MARCHF5: variants seen among roughly 807,000 people sequenced by gnomAD.
The protein encoded by MARCHF5 is membrane associated ring-CH-type finger 5, also known as E3 ubiquitin-protein ligase MARCHF5.
MARCHF5 carries 5 observed loss-of-function variants against 36.5 expected under a neutral mutation model. The ratio of observed to expected loss-of-function variants is 0.14; its 90% CI spans 0.07 to 0.29. The LOEUF (loss-of-function observed/expected upper bound fraction) is 0.29, where lower values mean the gene tolerates loss of function less well. Ranked by LOEUF, MARCHF5 falls within the 10% of genes least tolerant of loss-of-function variation. MARCHF5 has a pLI of 1.00. For synonymous variants in MARCHF5, 103 were observed against 109.9 expected (o/e 0.94, Z 0.39); for missense variants, 179 against 336.3 (o/e 0.53, Z 3.66).
intron 1 of MARCHF5, among the ~76,000 whole-genome samples, chr10:92,294,088 C>A (rs565968588): frequency 6.6e-6 from 1 of 152,134 alleles, no homozygotes; most frequent in Admixed American, 6.6e-5. Context: ...AGAGCCTGGG[C>A]ATCTATATTT....
At position 92,314,741 on chromosome 10, in the gene MARCHF5, TCCCCCCGC is replaced by T. The variant is rs1012664736; in HGVS notation, c.238+3411_238+3418del. Among the ~76,000 whole-genome samples the T allele has an allele frequency of 7.5e-4, 8 of 10,648 alleles. 1 individual carries two copies. Among genetic ancestry groups the T allele is most frequent in the Non-Finnish European group, 1.1e-3 (3 of 2,634 alleles). 7.0% of individuals were successfully genotyped at this position (10,648 alleles called of 152,430 possible). A position where few individuals can be genotyped will look rare whatever the true frequency, so the allele number is the denominator to read the frequency against. ...AAACAGAGTATTTGCTGCTGCTGCTTCCCCCCGCCCCCCCCCGCCAATAGAGGTTGGGT... is the reference window on the plus strand; with the variant it reads ...AAACAGAGTATTTGCTGCTGCTGCTTCCCCCCCCGCCAATAGAGGTTGGGT... On this transcript the variant is annotated intron_variant, in intron 2 of 5. Coordinates refer to ENST00000358935, the MANE Select transcript of MARCHF5 (RefSeq NM_017824.5).
intron 3 of MARCHF5, among the ~76,000 whole-genome samples, chr10:92,345,489 T>C (rs1168752307): frequency 6.6e-6 from 1 of 152,086 alleles, no homozygotes; most frequent in Non-Finnish European, 1.5e-5. Flanking sequence ...AGAGCAAGAC[T>C]CTGTCTCTAA....
At chr10:92,294,294 C>T (rs1250625110) in intron 1 of MARCHF5, among the ~76,000 whole-genome samples, 1 of 152,150 alleles carries the variant, frequency 6.6e-6, no homozygotes, top group Non-Finnish European at 1.5e-5. Context: ...TGTATATTAT[C>T]ATTTATAAAA....
intron 2 of MARCHF5, among the ~76,000 whole-genome samples, chr10:92,321,111 T>C (rs1264045821): frequency 6.6e-6 from 1 of 152,102 alleles, no homozygotes; most frequent in Admixed American, 6.5e-5. Context: ...GGCTATACCA[T>C]ATAGCCTAGG....
intron 2 of MARCHF5, among the ~76,000 whole-genome samples, chr10:92,314,294 T>C (rs950293701): frequency 6.6e-6 from 1 of 152,192 alleles, no homozygotes; most frequent in African/African-American, 2.4e-5. Flanking sequence ...GGTATGGCAC[T>C]TGAGTTAGCC....
chr10:92,321,004 G>C (rs1028792166), intron 2 of MARCHF5, among the ~76,000 whole-genome samples: 2 of 151,816 alleles, frequency 1.3e-5, no homozygotes, highest in African/African-American at 4.9e-5. Context: ...TATTTTTACT[G>C]TACCTTTCCT....
At chr10:92,329,032 G>T (rs893805008) in intron 2 of MARCHF5, among the ~76,000 whole-genome samples, 2 of 151,834 alleles carry the variant, frequency 1.3e-5, no homozygotes, top group African/African-American at 4.8e-5. Flanking sequence ...TTGCCTCTAG[G>T]TCCATTGTTT....
At chr10:92,331,051 A>G (rs562574355) in intron 2 of MARCHF5, among the ~76,000 whole-genome samples, 1 of 152,344 alleles carries the variant, frequency 6.6e-6, no homozygotes, top group Admixed American at 6.5e-5. Flanking sequence ...TTTCTTATTA[A>G]TAAGAACAAT....
intron 2 of MARCHF5, among the ~76,000 whole-genome samples, chr10:92,327,062 A>G (rs1055739254): frequency 6.6e-6 from 1 of 152,082 alleles, no homozygotes; most frequent in African/African-American, 2.4e-5. Flanking sequence ...CTTACACAGA[A>G]TCTACAAACG....
chr10:92,334,113 C>T (rs552312649), intron 2 of MARCHF5, among the ~76,000 whole-genome samples: 105 of 152,258 alleles, frequency 6.9e-4, no homozygotes, highest in African/African-American at 2.1e-3. Context: ...TCGCTTGAAC[C>T]CGGGAGGCAG....
intron 2 of MARCHF5, chr10:92,333,581 A>G (rs1843465766): frequency 2.3e-6 from 2 of 884,958 alleles, no homozygotes; most frequent in South Asian, 5.2e-5. Flanking sequence ...CTGAACAAAC[A>G]TTGAACAAGA....
At chr10:92,319,030 G>A (rs1001147085) in intron 2 of MARCHF5, among the ~76,000 whole-genome samples, 10 of 151,980 alleles carry the variant, frequency 6.6e-5, no homozygotes, top group Non-Finnish European at 1.3e-4. Flanking sequence ...AACTATAGCC[G>A]TACTACACTG....
intron 1 of MARCHF5, among the ~76,000 whole-genome samples, chr10:92,294,578 A>C (rs536886386): frequency 6.6e-6 from 1 of 152,216 alleles, no homozygotes; most frequent in African/African-American, 2.4e-5. Context: ...AATTCTTTTC[A>C]TGAATTTGGC....
intron 1 of MARCHF5, 69 bp from the exon 2 acceptor site, chr10:92,311,066 G>A: frequency 8.9e-7 from 1 of 1,126,192 alleles, no homozygotes; most frequent in Non-Finnish European, 1.3e-6. Context: ...CATTAAGTAA[G>A]AGCTGCAGTA....
rs1052734496 is a variant in MARCHF5, at chr10:92,351,386, A to T, written c.*179A>T. The T allele has an allele frequency of 2.2e-6, 1 of 464,768 alleles. No homozygotes were observed. The highest frequency in any genetic ancestry group is 2.0e-5 in the African/African-American group (1 of 49,232). 28.8% of individuals were successfully genotyped at this position (464,768 alleles called of 1,614,324 possible). On this transcript the variant is annotated 3_prime_UTR_variant, in exon 6 of 6. Coordinates refer to ENST00000358935, the MANE Select transcript of MARCHF5 (RefSeq NM_017824.5). ...ATCTCGGTAATCATGGAACCTAAGGATGTGATTTGTTTTCATTGTTTGTAT... is the reference window on the plus strand; with the variant it reads ...ATCTCGGTAATCATGGAACCTAAGGTTGTGATTTGTTTTCATTGTTTGTAT...
intron 1 of MARCHF5, among the ~76,000 whole-genome samples, chr10:92,291,882 G>A (rs1044286855): frequency 6.6e-6 from 1 of 151,648 alleles, no homozygotes; most frequent in Non-Finnish European, 1.5e-5. Flanking sequence ...CGATGTCACT[G>A]GCAAGAACCG....
At chr10:92,314,692 A>G (rs1843185852) in intron 2 of MARCHF5, among the ~76,000 whole-genome samples, 1 of 148,884 alleles carries the variant, frequency 6.7e-6, no homozygotes, top group Admixed American at 6.9e-5. Flanking sequence ...TATTGTTAGC[A>G]TATTTCCTCT....
At chr10:92,321,148 C>G (rs188881628) in intron 2 of MARCHF5, among the ~76,000 whole-genome samples, 1 of 152,146 alleles carries the variant, frequency 6.6e-6, no homozygotes, top group East Asian at 1.9e-4. Context: ...ACCATACCGA[C>G]TCTGTGATGT....
At chr10:92,347,233 C>T (rs1843655489) in intron 3 of MARCHF5, among the ~76,000 whole-genome samples, 1 of 152,070 alleles carries the variant, frequency 6.6e-6, no homozygotes, top group African/African-American at 2.4e-5. Context: ...CCTATAATCC[C>T]AGCACTTTGG....
Sources: allele counts gnomAD v4.1 joint callset (sites outside exome capture counted in the v4.1 genomes callset), GRCh38; gene constraint gnomAD v4.1.1; transcripts MANE v1.5; gene names NCBI Gene and HGNC (gene_info 2026-07-23, HGNC 2026-07-21).